The following ANTXR2 variants were observed in gnomAD, a reference collection of about 807,000 sequenced individuals.
ANTXR2 encodes ANTXR cell adhesion molecule 2.
A neutral mutation model predicts 73.7 loss-of-function variants in ANTXR2; 44 were observed. That is an observed-to-expected ratio of 0.60 (90% CI 0.47 to 0.77). ANTXR2 has a LOEUF of 0.77. Among genes scored for constraint, ANTXR2 ranks in the 30% least tolerant of loss-of-function variants. The probability of loss-of-function intolerance (pLI) is 0.00; values close to 1 mark genes in which losing one functional copy is unlikely to be tolerated. For synonymous variants in ANTXR2, 217 were observed against 205.9 expected (o/e 1.05, Z -0.46); for missense variants, 604 against 592.5 (o/e 1.02, Z -0.20).
intron 12 of ANTXR2, among the ~76,000 whole-genome samples, chr4:80,003,199 G>T (rs898339227): frequency 6.6e-6 from 1 of 151,972 alleles, no homozygotes; most frequent in Non-Finnish European, 1.5e-5. Context: ...AAGAAAATGT[G>T]GCACATATAC....
chr4:80,001,842 T>G (rs10026615), intron 12 of ANTXR2, among the ~76,000 whole-genome samples: 95,743 of 148,752 alleles, frequency 0.64, 33,454 homozygotes, highest in East Asian at 0.94. Flanking sequence ...TTGGTTTAAA[T>G]TCTGTTTTAT....
At chr4:79,954,607 G>T (rs1374893320) in intron 16 of ANTXR2, among the ~76,000 whole-genome samples, 1 of 151,978 alleles carries the variant, frequency 6.6e-6, no homozygotes, top group Non-Finnish European at 1.5e-5. Flanking sequence ...CAAGACCCCA[G>T]ATTTTAAAAA....
intron 16 of ANTXR2, among the ~76,000 whole-genome samples, chr4:79,937,806 CTGA>C (rs1275386481): frequency 6.6e-6 from 1 of 150,470 alleles, no homozygotes; most frequent in African/African-American, 2.4e-5. Context: ...GCATTTCCAT[CTGA>C]GGTACCGGGT....
intron 11 of ANTXR2, among the ~76,000 whole-genome samples, chr4:80,010,752 CT>C (rs1731531471): frequency 6.6e-6 from 1 of 152,128 alleles, no homozygotes; most frequent in African/African-American, 2.4e-5. Context: ...TAAAAAAAGC[CT>C]CCATTAGTAG....
chr4:79,972,920 T>TAAAAAAAAAAAAAAA (rs746252575), intron 16 of ANTXR2, among the ~76,000 whole-genome samples: 10 of 53,174 alleles, frequency 1.9e-4, no homozygotes, highest in African/African-American at 1.3e-3. Flanking sequence ...TAGAGTATAA[T>TAAAAAAAAAAAAAAA]AAAAAAAAAA....
chr4:79,910,226 G>A (rs1218616407), intron 16 of ANTXR2, among the ~76,000 whole-genome samples: 6 of 152,064 alleles, frequency 3.9e-5, no homozygotes, highest in African/African-American at 7.2e-5. Flanking sequence ...AACACATATT[G>A]TTGGCCGGGT....
intron 16 of ANTXR2, among the ~76,000 whole-genome samples, chr4:79,937,738 T>A (rs1039318870): frequency 6.6e-6 from 1 of 152,008 alleles, no homozygotes; most frequent in African/African-American, 2.4e-5. Context: ...GATGGCCGAA[T>A]AGGAACAGCT....
chr4:79,933,411 C>T (rs994884817), intron 16 of ANTXR2, among the ~76,000 whole-genome samples: 2 of 152,088 alleles, frequency 1.3e-5, no homozygotes, highest in East Asian at 1.9e-4. Context: ...ACAATACCAC[C>T]TTAGTTATTT....
chr4:79,991,511 T>A (rs1042664136), intron 12 of ANTXR2, among the ~76,000 whole-genome samples: 1 of 152,156 alleles, frequency 6.6e-6, no homozygotes, highest in African/African-American at 2.4e-5. Context: ...AGTGAGAATA[T>A]AAATTAGTTC....
At chr4:80,003,353 T>C (rs1464202365) in intron 12 of ANTXR2, among the ~76,000 whole-genome samples, 3 of 132,436 alleles carry the variant, frequency 2.3e-5, no homozygotes, top group Non-Finnish European at 4.6e-5. Flanking sequence ...TAGGTGGGAA[T>C]TGAACAATGA....
rs1009949476 is a variant in ANTXR2 at position 80,067,125 on chromosome 4, G to C, written c.296+2311C>G. On this transcript the variant is annotated intron_variant, in intron 3 of 16. Coordinates refer to ENST00000403729, the MANE Select transcript of ANTXR2 (RefSeq NM_058172.6). ...GGAGGCTGAGGCAGGAGAATGGTGTGAACCTGGGAGGTGGAGCTTGCAGTG... is the reference window on the plus strand; with the variant it reads ...GGAGGCTGAGGCAGGAGAATGGTGTCAACCTGGGAGGTGGAGCTTGCAGTG... Among the ~76,000 whole-genome samples the C allele has an allele frequency of 2.6e-5, 4 of 151,960 alleles. No individual in the cohort carries two copies. The East Asian group carries it at 7.7e-4, about 29-fold the overall frequency.
At chr4:80,001,106 C>A (rs1157317134) in intron 12 of ANTXR2, among the ~76,000 whole-genome samples, 1 of 151,994 alleles carries the variant, frequency 6.6e-6, no homozygotes, top group East Asian at 1.9e-4. Flanking sequence ...AGTTACAAAA[C>A]AGAGGGGTTA....
At chr4:79,985,838 C>CTTT (rs572381265) in intron 12 of ANTXR2, among the ~76,000 whole-genome samples, 7,166 of 111,492 alleles carry the variant, frequency 0.064, 300 homozygotes, top group Non-Finnish European at 0.1. Flanking sequence ...ACAGTTAATT[C>CTTT]TTTTTTTTTT....
At chr4:80,058,568 C>G (rs1734106997) in intron 3 of ANTXR2, among the ~76,000 whole-genome samples, 1 of 151,820 alleles carries the variant, frequency 6.6e-6, no homozygotes, top group African/African-American at 2.4e-5. Flanking sequence ...TGAAGAATCC[C>G]AAGCAACTGA....
intron 12 of ANTXR2, among the ~76,000 whole-genome samples, chr4:79,997,653 C>T (rs151255319): frequency 9.9e-5 from 15 of 152,024 alleles, no homozygotes; most frequent in African/African-American, 3.6e-4. Context: ...ATTTCTTCCT[C>T]GACAAACTCA....
At chr4:80,045,626 G>C (rs1031357027) in intron 7 of ANTXR2, among the ~76,000 whole-genome samples, 7 of 150,944 alleles carry the variant, frequency 4.6e-5, no homozygotes, top group African/African-American at 1.7e-4. Context: ...AACACTAAAG[G>C]ATTCATCCCC....
chr4:80,007,536 G>A (rs928611124), intron 12 of ANTXR2, among the ~76,000 whole-genome samples: 2 of 152,150 alleles, frequency 1.3e-5, no homozygotes, highest in Non-Finnish European at 2.9e-5. Flanking sequence ...TTTTGCAGAA[G>A]TGATTAAGGT....
At chr4:80,020,832 G>A (rs1260245303) in intron 10 of ANTXR2, among the ~76,000 whole-genome samples, 1 of 152,154 alleles carries the variant, frequency 6.6e-6, no homozygotes, top group Non-Finnish European at 1.5e-5. Context: ...ATATTTCTGT[G>A]TAAAGTATTT....
At chr4:80,071,182 TTTTG>T (rs566103892) in intron 2 of ANTXR2, among the ~76,000 whole-genome samples, 155 of 152,336 alleles carry the variant, frequency 1.0e-3, no homozygotes, top group African/African-American at 3.3e-3. Context: ...TTCCAACACT[TTTTG>T]TTTGTTTTAA....
Sources: allele counts gnomAD v4.1 joint callset (sites outside exome capture counted in the v4.1 genomes callset), GRCh38; gene constraint gnomAD v4.1.1; transcripts MANE v1.5; gene names NCBI Gene and HGNC (gene_info 2026-07-23, HGNC 2026-07-21).